Variants in LRCH1 observed in about 807,000 individuals in gnomAD.
LRCH1 encodes leucine-rich repeat and calponin homology domain-containing protein 1.
LRCH1 carries 23 observed loss-of-function variants against 94.9 expected under a neutral mutation model. The observed-to-expected ratio is 0.24, with a 90% CI of 0.17 to 0.34. The LOEUF is 0.34. Ranked by LOEUF, LRCH1 falls within the 10% of genes least tolerant of loss-of-function variation. The probability of loss-of-function intolerance (pLI) is 1.00; values close to 1 mark genes in which losing one functional copy is unlikely to be tolerated. For missense variants in LRCH1, 790 were observed against 945.9 expected (o/e 0.84, Z 2.16); for synonymous variants, 364 against 354.9 (o/e 1.03, Z -0.29).
chr13:46,587,361 T>G (rs2050446667), intron 1 of LRCH1, among the ~76,000 whole-genome samples: 1 of 152,206 alleles, frequency 6.6e-6, no homozygotes, highest in Admixed American at 6.5e-5. Flanking sequence ...TAGTACTGAT[T>G]AAGTGACAAA....
intron 19 of LRCH1, among the ~76,000 whole-genome samples, chr13:46,735,816 G>A (rs1322025087): frequency 1.5e-5 from 2 of 136,050 alleles, no homozygotes; most frequent in Non-Finnish European, 3.1e-5. Context: ...TTTTCGAGAT[G>A]GAGTCCCACT....
chr13:46,667,608 A>G (rs2138113841), intron 2 of LRCH1, among the ~76,000 whole-genome samples: 1 of 152,158 alleles, frequency 6.6e-6, no homozygotes, highest in South Asian at 2.1e-4. Flanking sequence ...GTACACCAAC[A>G]TGGCGCATGT....
At chr13:46,651,916 C>G (rs904483371) in intron 2 of LRCH1, among the ~76,000 whole-genome samples, 9 of 145,018 alleles carry the variant, frequency 6.2e-5, no homozygotes, top group Non-Finnish European at 1.4e-4. Flanking sequence ...GAGACGGAGT[C>G]TTGCTCTGTC....
rs1185647373 is a variant in LRCH1 at position 46,657,632 on chromosome 13, C to G, written c.452+7287C>G. On this transcript the variant is annotated intron_variant, in intron 2 of 19. Coordinates refer to ENST00000389797, the MANE Select transcript of LRCH1 (RefSeq NM_001164211.2). ...CTCGACCTCCCTGGGCTCAGGTGACCCTTCCATTTCAGCCTCACTAGTAGC... is the reference window on the plus strand; with the variant it reads ...CTCGACCTCCCTGGGCTCAGGTGACGCTTCCATTTCAGCCTCACTAGTAGC... 2.2e-5 allele frequency among the ~76,000 whole-genome samples: 3 copies of G among 135,262 alleles called. No homozygotes were observed. The East Asian group carries it at 6.7e-4, about 30-fold the overall frequency. 88.7% of individuals were successfully genotyped at this position (135,262 alleles called of 152,430 possible).
chr13:46,675,466 A>G (rs2051659164), intron 3 of LRCH1, among the ~76,000 whole-genome samples: 1 of 152,178 alleles, frequency 6.6e-6, no homozygotes, highest in African/African-American at 2.4e-5. Context: ...CTGCTTTTCT[A>G]ATCAAAAATC....
chr13:46,673,876 G>A (rs9595509), intron 3 of LRCH1, among the ~76,000 whole-genome samples: 3,308 of 151,674 alleles, frequency 0.022, 137 homozygotes, highest in African/African-American at 0.075. Context: ...CGCCTCCCAG[G>A]TTCAAGCAAT....
chr13:46,570,369 A>G (rs1460581521), intron 1 of LRCH1, among the ~76,000 whole-genome samples: 1 of 152,194 alleles, frequency 6.6e-6, no homozygotes, highest in Non-Finnish European at 1.5e-5. Context: ...TTATTATCTC[A>G]CAGGGTCCTT....
chr13:46,607,291 A>C (rs1236159809), intron 1 of LRCH1, among the ~76,000 whole-genome samples: 1 of 152,220 alleles, frequency 6.6e-6, no homozygotes. Context: ...GCTGCCATTC[A>C]TTTTGTGGTG....
chr13:46,660,451 T>A (rs77590639), intron 2 of LRCH1, among the ~76,000 whole-genome samples: 2,744 of 152,184 alleles, frequency 0.018, 77 homozygotes, highest in African/African-American at 0.062. Flanking sequence ...CCAGGTAGGA[T>A]GTAGGTGATA....
chr13:46,619,624 C>T (rs9526203), intron 1 of LRCH1, among the ~76,000 whole-genome samples: 9,043 of 152,128 alleles, frequency 0.059, 444 homozygotes, highest in East Asian at 0.25. Flanking sequence ...GTCAGAGTAA[C>T]CTTATGCTTA....
At chr13:46,675,167 G>T (rs1429527392) in intron 3 of LRCH1, among the ~76,000 whole-genome samples, 1 of 152,224 alleles carries the variant, frequency 6.6e-6, no homozygotes, top group Non-Finnish European at 1.5e-5. Flanking sequence ...AACCATGCCT[G>T]ATGGATGAGG....
chr13:46,614,642 CATT>C (rs2050785017), intron 1 of LRCH1, among the ~76,000 whole-genome samples: 1 of 152,074 alleles, frequency 6.6e-6, no homozygotes, highest in Admixed American at 6.6e-5. Context: ...TTCTAGTTGA[CATT>C]GTTGTTTTTC....
At chr13:46,728,770 A>T (rs1304007372) in intron 17 of LRCH1, 77 bp from the exon 18 acceptor site, 2 of 1,365,482 alleles carry the variant, frequency 1.5e-6, no homozygotes, top group Non-Finnish European at 2.0e-6. Flanking sequence ...CTCAGTTCAT[A>T]AATACCCATA....
chr13:46,683,954 T>A (rs1260380673), intron 4 of LRCH1, among the ~76,000 whole-genome samples: 1 of 152,076 alleles, frequency 6.6e-6, no homozygotes, highest in Admixed American at 6.5e-5. Flanking sequence ...TCAGTGACTG[T>A]AAAGACTTTC....
chr13:46,705,390 G>A, intron 13 of LRCH1, 86 bp downstream of exon 13: 1 of 1,164,170 alleles, frequency 8.6e-7, no homozygotes. Flanking sequence ...GATTTGTCAG[G>A]GAGTGAAACA....
At chr13:46,586,933 A>T (rs893198645) in intron 1 of LRCH1, among the ~76,000 whole-genome samples, 12 of 152,208 alleles carry the variant, frequency 7.9e-5, no homozygotes, top group Admixed American at 5.2e-4. Flanking sequence ...TCTTAGTTTT[A>T]GCAGCAGAGA....
chr13:46,614,802 T>C (rs968394329), intron 1 of LRCH1, among the ~76,000 whole-genome samples: 6 of 152,228 alleles, frequency 3.9e-5, no homozygotes, highest in African/African-American at 7.2e-5. Context: ...CTTACTCTAT[T>C]GTATATCACG....
rs1028614391 is a variant in LRCH1, at chr13:46,638,174, A to G, written c.308-12027A>G. 2.6e-5 allele frequency among the ~76,000 whole-genome samples: 4 copies of G among 152,242 alleles called. No individual in the cohort carries two copies. The East Asian group carries it at 7.7e-4, about 29-fold the overall frequency. On this transcript the variant is annotated intron_variant, in intron 1 of 19. Coordinates refer to ENST00000389797, the MANE Select transcript of LRCH1 (RefSeq NM_001164211.2). Reference sequence around the variant, plus strand: ...CAAATATAGTATTTGTATTATATACAAGAAAATTACTATGGATTTGCAAAT... The same window carrying G: ...CAAATATAGTATTTGTATTATATACGAGAAAATTACTATGGATTTGCAAAT...
At chr13:46,609,501 A>AT (rs954168041) in intron 1 of LRCH1, among the ~76,000 whole-genome samples, 18 of 151,708 alleles carry the variant, frequency 1.2e-4, no homozygotes, top group South Asian at 4.2e-4. Flanking sequence ...AGCTACTGAT[A>AT]TTTTTTTTTG....
Sources: allele counts gnomAD v4.1 joint callset (sites outside exome capture counted in the v4.1 genomes callset), GRCh38; gene constraint gnomAD v4.1.1; transcripts MANE v1.5; gene names NCBI Gene and HGNC (gene_info 2026-07-23, HGNC 2026-07-21).